CFAP54: variants seen among roughly 807,000 people sequenced by gnomAD.
The protein encoded by CFAP54 is cilia- and flagella-associated protein 54.
CFAP54 carries 290 observed loss-of-function variants against 370.4 expected under a neutral mutation model. The ratio of observed to expected loss-of-function variants is 0.78; its 90% CI spans 0.71 to 0.86. CFAP54 has a LOEUF of 0.86. Ranked by LOEUF, CFAP54 falls within the 40% of genes least tolerant of loss-of-function variation. The pLI is 0.00. For missense variants in CFAP54, 3,399 were observed against 3,528.7 expected, an observed-to-expected ratio of 0.96 and a Z score of 0.93; for synonymous variants, 1,206 against 1,236.5, an observed-to-expected ratio of 0.98 and a Z score of 0.52.
intron 66 of CFAP54, among the ~76,000 whole-genome samples, chr12:96,840,450 C>A (rs1466204794): frequency 2.6e-5 from 4 of 152,094 alleles, no homozygotes; most frequent in Non-Finnish European, 5.9e-5. Flanking sequence ...TCCTTGATTT[C>A]TTTGAAACAA....
chr12:96,774,721 T>C (rs1260570142), intron 60 of CFAP54, among the ~76,000 whole-genome samples: 4 of 152,178 alleles, frequency 2.6e-5, no homozygotes, highest in Non-Finnish European at 4.4e-5. Flanking sequence ...TTCTACTGAA[T>C]CATCTTAACC....
chr12:96,867,391 C>T (rs997095683), intron 67 of CFAP54, among the ~76,000 whole-genome samples: 1 of 152,182 alleles, frequency 6.6e-6, no homozygotes, highest in Non-Finnish European at 1.5e-5. Context: ...ATCCAGCGAT[C>T]TAACTACTGG....
In CFAP54 at chr12:96,588,948, G is replaced by A. The variant is rs143795453; in HGVS notation, c.3076-479G>A. ...TTTTATTCTATACTCTTTTCAGCTC[G>A]TGAACTTTTTGTTGCACAGAAGCTC... On this transcript the variant is annotated intron_variant, in intron 22 of 67. Transcript: ENST00000524981. Among the ~76,000 whole-genome samples the A allele has an allele frequency of 1.2e-4, 18 of 152,170 alleles. No homozygotes were observed. The East Asian group carries it at 3.1e-3, about 26-fold the overall frequency.
At chr12:96,646,973 G>C (rs1266451136) in intron 33 of CFAP54, 1 of 152,040 alleles carries the variant, frequency 6.6e-6, no homozygotes, top group Non-Finnish European at 1.5e-5. Flanking sequence ...GAGTGGGGAG[G>C]TATAGCATTA....
At chr12:96,549,567 G>T (rs1407418711) in intron 15 of CFAP54, among the ~76,000 whole-genome samples, 1 of 152,146 alleles carries the variant, frequency 6.6e-6, no homozygotes, top group East Asian at 1.9e-4. Flanking sequence ...ATTTTCTTTG[G>T]CATGGTTGAA....
intron 22 of CFAP54, among the ~76,000 whole-genome samples, chr12:96,588,205 C>G (rs1956091023): frequency 6.6e-6 from 1 of 150,398 alleles, no homozygotes; most frequent in South Asian, 2.1e-4. Context: ...TTTCTTTTTT[C>G]AAACTCTGAC....
At chr12:96,850,244 C>G (rs1382415711) in intron 66 of CFAP54, among the ~76,000 whole-genome samples, 1 of 147,278 alleles carries the variant, frequency 6.8e-6, no homozygotes, top group South Asian at 2.1e-4. Context: ...AAAAAGTAGC[C>G]GGGCATGAGG....
At chr12:96,857,187 G>T (rs1284403672) in intron 66 of CFAP54, among the ~76,000 whole-genome samples, 7 of 152,128 alleles carry the variant, frequency 4.6e-5, no homozygotes, top group Admixed American at 4.6e-4. Context: ...GACACATGGG[G>T]ATTATGGGAA....
At chr12:96,793,972 G>C (rs1025854580) in intron 63 of CFAP54, among the ~76,000 whole-genome samples, 2 of 152,128 alleles carry the variant, frequency 1.3e-5, no homozygotes, top group African/African-American at 4.8e-5. Context: ...CTGAAAAAGA[G>C]TGTATATTTC....
chr12:96,725,205 C>T lies in CFAP54; in HGVS notation c.6965+4640C>T, dbSNP rs562635997. 5.1e-3 allele frequency among the ~76,000 whole-genome samples: 774 copies of T among 151,590 alleles called. 7 individuals carry two copies. The highest frequency in any genetic ancestry group is 0.018 in the African/African-American group (734 of 41,294). Reference sequence around the variant, plus strand: ...AACTTTAAAGTAATTTTTTCCAATTCTGTGAAGAAAGTCATTGGTAGCTTG... The same window carrying T: ...AACTTTAAAGTAATTTTTTCCAATTTTGTGAAGAAAGTCATTGGTAGCTTG... On this transcript the variant is annotated intron_variant, in intron 50 of 67. Coordinates refer to ENST00000524981, the MANE Select transcript of CFAP54 (RefSeq NM_001306084.2).
chr12:96,786,451 G>C (rs550120796), intron 61 of CFAP54, among the ~76,000 whole-genome samples: 2 of 152,206 alleles, frequency 1.3e-5, no homozygotes, highest in South Asian at 4.1e-4. Context: ...AAAGTGCTGG[G>C]ATTATAGGCA....
In CFAP54 at chr12:96,564,775, T is replaced by C; in HGVS notation, c.2619+10T>C. 1 of 588,232 alleles carries C rather than the reference T, an allele frequency of 1.7e-6. No individual in the cohort carries two copies. Among genetic ancestry groups the C allele is most frequent in the Non-Finnish European group, 3.0e-6 (1 of 337,102 alleles). The allele number at this position is 588,232 out of a possible 1,614,324, so 36.4% of individuals were successfully genotyped here. ...ATGGGAACTTTTGATGGTAACAGTA[T>C]TTCATTTCTTCTTTTAATCCTGACA... On this transcript the variant is annotated intron_variant, in intron 19 of 67. Coordinates refer to ENST00000524981, the MANE Select transcript of CFAP54 (RefSeq NM_001306084.2).
At chr12:96,646,012 G>A (rs1310650160) in intron 33 of CFAP54, 4 of 152,090 alleles carry the variant, frequency 2.6e-5, no homozygotes, top group Admixed American at 2.6e-4. Context: ...AGAAAACCTA[G>A]GCAATACCAT....
Position 96,664,787 on chromosome 12 carries a change from A to ATCTATATCTATC in CFAP54, c.5563+856_5563+857insCTATATCTATCT, listed in dbSNP as rs1565934545. Among the ~76,000 whole-genome samples the ATCTATATCTATC allele has an allele frequency of 4.0e-4, 6 of 15,054 alleles. 1 individual carries two copies. The highest frequency in any genetic ancestry group is 1.0e-3 in the African/African-American group (4 of 3,846). 9.9% of individuals were successfully genotyped at this position (15,054 alleles called of 152,430 possible). On this transcript the variant is annotated intron_variant, in intron 39 of 67. Transcript: ENST00000524981. ...TATCTATATCTATATCTATATATATATATATATATATATATATATATATAT... is the reference window on the plus strand; with the variant it reads ...TATCTATATCTATATCTATATATATATCTATATCTATCTATATATATATATATATATATATAT...
In CFAP54 at chr12:96,841,090, C is replaced by T. The variant is rs971663019; in HGVS notation, c.9171+12002C>T. Among the ~76,000 whole-genome samples the T allele has an allele frequency of 5.3e-5, 8 of 152,302 alleles. No homozygotes were observed. In the East Asian group the frequency reaches 1.4e-3, roughly 26 times the overall value. ...TTATCCGTGCTCAAAGTAGCAGTTC[C>T]ACTTTTGTTAGATGTGCAATTTGGG... On this transcript the variant is annotated intron_variant, in intron 66 of 67. Transcript: ENST00000524981.
chr12:96,778,003 G>A (rs964015634), intron 60 of CFAP54, among the ~76,000 whole-genome samples: 5 of 152,126 alleles, frequency 3.3e-5, no homozygotes, highest in Admixed American at 6.6e-5. Flanking sequence ...TTATGTACCC[G>A]TACAAATTTT....
chr12:96,640,807 G>C (rs1024239737), intron 32 of CFAP54, among the ~76,000 whole-genome samples: 5 of 152,160 alleles, frequency 3.3e-5, no homozygotes, highest in Admixed American at 1.3e-4. Flanking sequence ...ACAAACCTGA[G>C]AAAAACAAGC....
intron 51 of CFAP54, among the ~76,000 whole-genome samples, chr12:96,741,924 G>A (rs1414769215): frequency 1.3e-5 from 2 of 152,168 alleles, no homozygotes; most frequent in Non-Finnish European, 2.9e-5. Context: ...AGGCAAGATA[G>A]TTAACCTTCC....
At chr12:96,515,912 GTTTTTTTTT>G (rs71437221) in intron 5 of CFAP54, among the ~76,000 whole-genome samples, 9 of 108,270 alleles carry the variant, frequency 8.3e-5, no homozygotes, top group African/African-American at 3.4e-4. Flanking sequence ...TTACCTCTAT[GTTTTTTTTT>G]TTTTTTTTTT....
Sources: gnomAD v4.1 joint callset for allele counts (sites outside exome capture counted in the v4.1 genomes callset) on GRCh38, gnomAD v4.1.1 for gene constraint, MANE v1.5 for transcripts, NCBI Gene and HGNC (gene_info 2026-07-23, HGNC 2026-07-21) for gene names.